ATRNL1: variants seen among roughly 807,000 people sequenced by gnomAD.
ATRNL1 encodes attractin-like protein 1.
Under a neutral mutation model 182.7 loss-of-function variants are expected in ATRNL1, and 95 were observed. The ratio of observed to expected loss-of-function variants is 0.52; its 90% CI spans 0.44 to 0.62. The LOEUF is 0.62. Among genes scored for constraint, ATRNL1 ranks in the 20% least tolerant of loss-of-function variants. The probability of loss-of-function intolerance (pLI) is 0.00; values close to 1 mark genes in which losing one functional copy is unlikely to be tolerated. For missense variants in ATRNL1, 1,471 were observed against 1,679.5 expected, an observed-to-expected ratio of 0.88 and a Z score of 2.17; for synonymous variants, 576 against 568.3, an observed-to-expected ratio of 1.01 and a Z score of -0.19.
chr10:115,540,131 TAATAAATA>T (rs1554991544), intron 25 of ATRNL1, among the ~76,000 whole-genome samples: 3 of 147,614 alleles, frequency 2.0e-5, no homozygotes, highest in Non-Finnish European at 4.5e-5. Context: ...AGTATAATAA[TAATAAATA>T]AATAAATAAA....
At chr10:115,238,539 C>T (rs1218714285) in intron 9 of ATRNL1, among the ~76,000 whole-genome samples, 1 of 151,812 alleles carries the variant, frequency 6.6e-6, no homozygotes, top group Non-Finnish European at 1.5e-5. Flanking sequence ...TTCTTGTTCA[C>T]TGCTGGTATA....
At chr10:115,411,736 A>T (rs1378101182) in intron 20 of ATRNL1, among the ~76,000 whole-genome samples, 1 of 152,170 alleles carries the variant, frequency 6.6e-6, no homozygotes, top group East Asian at 1.9e-4. Context: ...ATTTATATTT[A>T]AATGTTTTAC....
intron 8 of ATRNL1, among the ~76,000 whole-genome samples, chr10:115,189,616 A>C (rs1264720925): frequency 3.3e-5 from 5 of 152,230 alleles, no homozygotes; most frequent in African/African-American, 9.6e-5. Flanking sequence ...TTAAGGAAAA[A>C]ATTTTTATAG....
At chr10:115,779,482 A>G (rs1224535524) in intron 27 of ATRNL1, among the ~76,000 whole-genome samples, 1 of 152,182 alleles carries the variant, frequency 6.6e-6, no homozygotes, top group Non-Finnish European at 1.5e-5. Flanking sequence ...AAGCTAGTGG[A>G]TCTTAAGCCA....
Position 115,549,518 on chromosome 10 carries a change from G to C in ATRNL1, c.3777G>C (p.Trp1259Cys). The C allele has an allele frequency of 1.9e-6, 3 of 1,595,216 alleles. No homozygotes were observed. Among genetic ancestry groups the C allele is most frequent in the Non-Finnish European group, 2.6e-6 (3 of 1,169,680 alleles). The change falls in exon 26 of 29, where the codon TGG becomes TGC. Residue 1259 changes from tryptophan to cysteine, a missense_variant. By Grantham distance (215) the Trp-to-Cys change is radical. Coordinates refer to ENST00000355044, the MANE Select transcript of ATRNL1 (RefSeq NM_207303.4). ...AVVWKIKQTC[W>C]ASRRREQLLR... ...TATGGAAGATCAAACAAACTTGTTG[G>C]GCTTCTCGACGGAGAGAGGTATCAG...
At chr10:115,288,321 G>T (rs1335658751) in intron 15 of ATRNL1, among the ~76,000 whole-genome samples, 5 of 152,042 alleles carry the variant, frequency 3.3e-5, no homozygotes, top group African/African-American at 4.8e-5. Flanking sequence ...CTCCATAGGG[G>T]CTGTACTAAT....
At chr10:115,327,884 A>G (rs1304779613) in intron 18 of ATRNL1, among the ~76,000 whole-genome samples, 1 of 151,816 alleles carries the variant, frequency 6.6e-6, no homozygotes, top group Non-Finnish European at 1.5e-5. Flanking sequence ...GAATTGAACA[A>G]TGAGAACACA....
At chr10:115,546,277 T>C (rs782241404) in intron 25 of ATRNL1, among the ~76,000 whole-genome samples, 3 of 151,976 alleles carry the variant, frequency 2.0e-5, no homozygotes, top group Non-Finnish European at 2.9e-5. Context: ...TTTTAAGAGT[T>C]ACATTGGCCA....
chr10:115,567,515 T>A (rs1027863217), intron 26 of ATRNL1, among the ~76,000 whole-genome samples: 1 of 152,140 alleles, frequency 6.6e-6, no homozygotes, highest in Admixed American at 6.6e-5. Flanking sequence ...TATCACATGA[T>A]TTAGCCAGGG....
intron 26 of ATRNL1, among the ~76,000 whole-genome samples, chr10:115,656,568 G>C (rs2420100): frequency 0.99 from 151,077 of 152,286 alleles, 74,952 homozygotes; most frequent in Middle Eastern, 1. Flanking sequence ...CTGCCCCAAG[G>C]TGGATAGGTT....
At chr10:115,485,721 G>A (rs988742860) in intron 24 of ATRNL1, among the ~76,000 whole-genome samples, 1 of 151,584 alleles carries the variant, frequency 6.6e-6, no homozygotes, top group Non-Finnish European at 1.5e-5. Context: ...GAATCTTCTA[G>A]TGTTACACAT....
At chr10:115,105,316 C>G (rs1266812090) in intron 1 of ATRNL1, among the ~76,000 whole-genome samples, 1 of 152,130 alleles carries the variant, frequency 6.6e-6, no homozygotes, top group Non-Finnish European at 1.5e-5. Context: ...TTCTAAGCAG[C>G]AAAGCATTCA....
chr10:115,778,997 G>T (rs1177620423), intron 27 of ATRNL1, among the ~76,000 whole-genome samples: 1 of 152,138 alleles, frequency 6.6e-6, no homozygotes, highest in Non-Finnish European at 1.5e-5. Flanking sequence ...GCCAATACAT[G>T]ATAATAATAA....
intron 15 of ATRNL1, among the ~76,000 whole-genome samples, chr10:115,299,651 C>T (rs1853373984): frequency 6.6e-6 from 1 of 152,052 alleles, no homozygotes; most frequent in African/African-American, 2.4e-5. Flanking sequence ...AATCCTATAA[C>T]TGATTACATT....
chr10:115,548,432 T>C lies in ATRNL1; in HGVS notation c.3717-1026T>C, dbSNP rs782356476. ...CACTGCTTATGAGTGACTTAAGTGA[T>C]GAACACAATGATTAAGGATGAGAAC... On this transcript the variant is annotated intron_variant, in intron 25 of 28. Transcript: ENST00000355044. 2.6e-5 allele frequency among the ~76,000 whole-genome samples: 4 copies of C among 152,198 alleles called. No homozygotes were observed. In the South Asian group the frequency reaches 6.2e-4, roughly 24 times the overall value.
chr10:115,757,996 T>G (rs1555072502), intron 27 of ATRNL1, among the ~76,000 whole-genome samples: 1 of 151,920 alleles, frequency 6.6e-6, no homozygotes, highest in Admixed American at 6.6e-5. Flanking sequence ...CGTGCTGTGA[T>G]TTTCAGCTCC....
chr10:115,838,606 C>A (rs181248703), intron 27 of ATRNL1, among the ~76,000 whole-genome samples: 48 of 152,216 alleles, frequency 3.2e-4, no homozygotes, highest in African/African-American at 1.1e-3. Flanking sequence ...GGAAAAGAAA[C>A]CCCTAGGGCT....
chr10:115,685,740 G>A (rs569189967), intron 26 of ATRNL1, among the ~76,000 whole-genome samples: 17 of 151,738 alleles, frequency 1.1e-4, no homozygotes, highest in African/African-American at 4.1e-4. Flanking sequence ...ATTTTTATTT[G>A]ATGATTTTAA....
rs782059612 is a variant in ATRNL1, at chr10:115,093,744, G to C, written c.-7G>C. 5 of 1,413,832 alleles carry C rather than the reference G, an allele frequency of 3.5e-6. No homozygotes were observed. The highest frequency in any genetic ancestry group is 1.5e-5 in the South Asian group (1 of 65,758). The allele number at this position is 1,413,832 out of a possible 1,614,324, so 87.6% of individuals were successfully genotyped here. ...CGCAGTCTCGCCGGGCAGGGGCGCCGGGGAAGATGGAGACTGGGGGCCGGG... is the reference window on the plus strand; with the variant it reads ...CGCAGTCTCGCCGGGCAGGGGCGCCCGGGAAGATGGAGACTGGGGGCCGGG... On this transcript the variant is annotated 5_prime_UTR_variant, in exon 1 of 29. Coordinates refer to ENST00000355044, the MANE Select transcript of ATRNL1 (RefSeq NM_207303.4). This position sits in a 1 kb window ranked among gnomAD's most constrained non-coding sequence, Gnocchi z 6.1.
Sources: allele counts gnomAD v4.1 joint callset (sites outside exome capture counted in the v4.1 genomes callset), GRCh38; gene constraint gnomAD v4.1.1; non-coding constraint Gnocchi (gnomAD v3.1); transcripts MANE v1.5; gene names NCBI Gene and HGNC (gene_info 2026-07-23, HGNC 2026-07-21).